Variants in WDR19 observed in about 807,000 individuals in gnomAD.
The protein encoded by WDR19 is WD repeat domain 19, also known as WD repeat-containing protein 19.
WDR19 carries 121 observed loss-of-function variants against 180.0 expected under a neutral mutation model. The observed-to-expected ratio is 0.67, with a 90% confidence interval of 0.58 to 0.78. The LOEUF is 0.78. Ranked by LOEUF, WDR19 falls within the 30% of genes least tolerant of loss-of-function variation. The pLI is 0.00. For missense variants in WDR19, 1,450 were observed against 1,640.7 expected, an observed-to-expected ratio of 0.88 and a Z score of 2.01; for synonymous variants, 497 against 540.7, an observed-to-expected ratio of 0.92 and a Z score of 1.12.
chr4:39,239,296 T>C (rs1008631850), intron 20 of WDR19, among the ~76,000 whole-genome samples: 2 of 152,094 alleles, frequency 1.3e-5, no homozygotes, highest in Non-Finnish European at 2.9e-5. Context: ...ATTTATATCA[T>C]GTATATTAAT....
At chr4:39,216,320 C>T (rs1729067659) in intron 12 of WDR19, 110 bp downstream of exon 12, 3 of 861,042 alleles carry the variant, frequency 3.5e-6, no homozygotes, top group Non-Finnish European at 5.3e-6. Context: ...TTTTTATTCA[C>T]ATATCTCATT....
intron 36 of WDR19, among the ~76,000 whole-genome samples, chr4:39,281,230 T>TAGAGAGAGAGAGAGAGAG (rs796659495): frequency 1.2e-4 from 12 of 97,116 alleles, no homozygotes; most frequent in Non-Finnish European, 1.6e-4. Flanking sequence ...TATATATATA[T>TAGAGAGAGAGAGAGAGAG]ATATATAGAG....
chr4:39,278,692 T>A (rs745516341), intron 36 of WDR19, 29 bp downstream of exon 36: 1 of 1,452,260 alleles, frequency 6.9e-7, no homozygotes, highest in South Asian at 1.2e-5. Flanking sequence ...ACGCACCTTC[T>A]GGGCGCAAGG....
chr4:39,215,757 TG>T, intron 10 of WDR19, 83 bp from the exon 11 acceptor site: 1 of 1,371,828 alleles, frequency 7.3e-7, no homozygotes, highest in Non-Finnish European at 9.8e-7. Context: ...GTTATGTCTC[TG>T]GTAGCTTAAA....
chr4:39,283,980 C>A (rs933605423), intron 36 of WDR19, among the ~76,000 whole-genome samples: 1 of 152,172 alleles, frequency 6.6e-6, no homozygotes, highest in African/African-American at 2.4e-5. Context: ...TTACTGGTTT[C>A]TTTCTGGCTA....
chr4:39,188,505 G>A (rs1360524074), intron 3 of WDR19, among the ~76,000 whole-genome samples: 2 of 151,634 alleles, frequency 1.3e-5, no homozygotes, highest in Non-Finnish European at 2.9e-5. Context: ...CTTAAGCCCT[G>A]GAATTCGAGG....
intron 19 of WDR19, among the ~76,000 whole-genome samples, chr4:39,233,477 G>A (rs1044005347): frequency 1.3e-5 from 2 of 152,134 alleles, no homozygotes; most frequent in Non-Finnish European, 2.9e-5. Flanking sequence ...TTAAAAATGA[G>A]AATGAGGTCT....
intron 30 of WDR19, among the ~76,000 whole-genome samples, chr4:39,269,302 G>A (rs1264142585): frequency 1.3e-5 from 2 of 151,990 alleles, no homozygotes; most frequent in African/African-American, 4.8e-5. Flanking sequence ...GGTTTTGAAG[G>A]CATACTCTGA....
intron 13 of WDR19, 99 bp downstream of exon 13, chr4:39,217,339 A>G: frequency 2.0e-6 from 2 of 979,340 alleles, no homozygotes; most frequent in Non-Finnish European, 3.1e-6. Flanking sequence ...GGATGTACAG[A>G]CTAACTAGAA....
intron 35 of WDR19, 49 bp downstream of exon 35, chr4:39,278,256 G>A: frequency 6.8e-7 from 1 of 1,479,744 alleles, no homozygotes; most frequent in South Asian, 1.3e-5. Flanking sequence ...CCCGACACAG[G>A]CCTTTCATTC....
intron 33 of WDR19, 140 bp from the exon 34 acceptor site, chr4:39,276,880 G>A: frequency 3.8e-6 from 4 of 1,059,108 alleles, no homozygotes; most frequent in Admixed American, 4.3e-5. Context: ...GTGTGAGCTT[G>A]TAAGTATCTC....
At chr4:39,196,149 A>G (rs768541446) in intron 5 of WDR19, among the ~76,000 whole-genome samples, 1 of 152,144 alleles carries the variant, frequency 6.6e-6, no homozygotes, top group Non-Finnish European at 1.5e-5. Flanking sequence ...ACCCAGTTCC[A>G]TTTAACACCC....
At chr4:39,257,743 T>C (rs2109453448) in intron 28 of WDR19, among the ~76,000 whole-genome samples, 189 bp downstream of exon 28, 1 of 148,804 alleles carries the variant, frequency 6.7e-6, no homozygotes, top group Non-Finnish European at 1.5e-5. Flanking sequence ...CTTTCCCCGG[T>C]TTTTTTTTTA....
intron 17 of WDR19, among the ~76,000 whole-genome samples, chr4:39,230,072 G>A (rs778347327): frequency 2.6e-5 from 4 of 152,106 alleles, no homozygotes; most frequent in Non-Finnish European, 5.9e-5. Context: ...TTGAAGATGT[G>A]ATTTGATCCT....
intron 28 of WDR19, among the ~76,000 whole-genome samples, chr4:39,261,930 AC>A (rs1346347140): frequency 2.9e-5 from 1 of 34,706 alleles, no homozygotes. Flanking sequence ...TCTGAATTTT[AC>A]TACTGGATTT....
At position 39,189,892 on chromosome 4, in the gene WDR19, T is replaced by C; in HGVS notation, c.290+111T>C. The stretch of plus-strand genomic sequence containing the variant: ...ATTTTAAAGATTCCTCAATGAGTTA[T>C]TTTCATAGAAAAGGATTATTTTTAT... On this transcript the variant is annotated intron_variant, in intron 4 of 36. Transcript: ENST00000399820. 2 of 1,193,062 alleles carry C rather than the reference T, an allele frequency of 1.7e-6. 1 individual carries two copies. Among genetic ancestry groups the C allele is most frequent in the Non-Finnish European group, 2.3e-6 (2 of 872,160 alleles). 73.9% of individuals were successfully genotyped at this position (1,193,062 alleles called of 1,614,324 possible). A position where few individuals can be genotyped will look rare whatever the true frequency, so the allele number is the denominator to read the frequency against.
At chr4:39,220,489 GT>G (rs1358079047) in intron 14 of WDR19, among the ~76,000 whole-genome samples, 1 of 112,092 alleles carries the variant, frequency 8.9e-6, no homozygotes, top group Admixed American at 8.4e-5. Context: ...CTAATTTTTA[GT>G]TTTTTAAATT....
intron 36 of WDR19, among the ~76,000 whole-genome samples, chr4:39,281,236 T>TATATAGAGAGAGAGAGAGAGAGAG (rs762298152): frequency 1.4e-4 from 15 of 104,002 alleles, no homozygotes; most frequent in African/African-American, 3.6e-4. Flanking sequence ...TATATATATA[T>TATATAGAGAGAGAGAGAGAGAGAG]AGAGAGAGAG....
chr4:39,233,851 G>A (rs950766139), intron 19 of WDR19, among the ~76,000 whole-genome samples: 7 of 152,178 alleles, frequency 4.6e-5, no homozygotes. Context: ...TTAACTGTGG[G>A]CACTTGTCAT....
Sources: gnomAD v4.1 joint callset for allele counts (sites outside exome capture counted in the v4.1 genomes callset) on GRCh38, gnomAD v4.1.1 for gene constraint, MANE v1.5 for transcripts, NCBI Gene and HGNC (gene_info 2026-07-23, HGNC 2026-07-21) for gene names.